The following DISC1 variants were observed in gnomAD, a reference collection of about 807,000 sequenced individuals.
DISC1 encodes disrupted in schizophrenia 1 protein.
A neutral mutation model predicts 84.5 loss-of-function variants in DISC1; 57 were observed. The observed-to-expected ratio is 0.67, with a 90% CI of 0.55 to 0.84. The LOEUF is 0.84. DISC1 is among the 40% of genes least tolerant of loss of function. The pLI is 0.00. For synonymous variants in DISC1, 411 were observed against 415.2 expected (o/e 0.99, Z 0.12); for missense variants, 1,000 against 1,057.8 (o/e 0.95, Z 0.76).
intron 1 of DISC1, among the ~76,000 whole-genome samples, chr1:231,653,579 G>A (rs2060816503): frequency 6.6e-6 from 1 of 152,212 alleles, no homozygotes; most frequent in South Asian, 2.1e-4. Context: ...TCATCTGTGT[G>A]TGTGGGAGGA....
chr1:231,843,891 C>T (rs1270274638), intron 9 of DISC1, among the ~76,000 whole-genome samples: 2 of 152,302 alleles, frequency 1.3e-5, no homozygotes, highest in East Asian at 3.9e-4. Flanking sequence ...GGAGAGCTGA[C>T]TGACGGCAGG....
intron 1 of DISC1, among the ~76,000 whole-genome samples, chr1:231,667,688 C>T (rs947160676): frequency 1.4e-4 from 21 of 152,108 alleles, no homozygotes; most frequent in African/African-American, 4.3e-4. Flanking sequence ...GTCTGTCCTG[C>T]GTGATGCTTC....
At chr1:231,951,220 G>A (rs1201618715) in intron 9 of DISC1, among the ~76,000 whole-genome samples, 1 of 152,224 alleles carries the variant, frequency 6.6e-6, no homozygotes, top group Non-Finnish European at 1.5e-5. Flanking sequence ...GGAAGAATGA[G>A]TTAATCTTAC....
At chr1:231,863,220 C>CTTTTTTTTTTTTTTTTTTTTTTTT (rs533463099) in intron 9 of DISC1, among the ~76,000 whole-genome samples, 1 of 54,758 alleles carries the variant, frequency 1.8e-5, no homozygotes, top group African/African-American at 7.6e-5. Flanking sequence ...ATAAAATGTT[C>CTTTTTTTTTTTTTTTTTTTTTTTT]TTTTTTTTTT....
At chr1:231,996,139 CT>C (rs1665920546) in intron 10 of DISC1, among the ~76,000 whole-genome samples, 1 of 152,160 alleles carries the variant, frequency 6.6e-6, no homozygotes, top group South Asian at 2.1e-4. Flanking sequence ...TAAATGTCTT[CT>C]TTTGAGAAGT....
intron 10 of DISC1, among the ~76,000 whole-genome samples, chr1:231,989,749 A>T (rs1664940318): frequency 1.3e-5 from 2 of 152,176 alleles, no homozygotes; most frequent in Admixed American, 1.3e-4. Context: ...TAGCACTTAG[A>T]CCCTGCTTGC....
chr1:231,985,225 C>T (rs1664235602), intron 10 of DISC1, among the ~76,000 whole-genome samples: 1 of 150,594 alleles, frequency 6.6e-6, no homozygotes, highest in South Asian at 2.1e-4. Context: ...ACTTGGGAGG[C>T]TGAGGTAGGA....
At chr1:231,860,813 CT>C (rs2084588315) in intron 9 of DISC1, among the ~76,000 whole-genome samples, 1 of 152,162 alleles carries the variant, frequency 6.6e-6, no homozygotes, top group South Asian at 2.1e-4. Flanking sequence ...CCCTTTATCT[CT>C]CACTGATTCA....
intron 9 of DISC1, among the ~76,000 whole-genome samples, chr1:231,843,114 G>A (rs931295390): frequency 6.6e-6 from 1 of 152,238 alleles, no homozygotes; most frequent in East Asian, 1.9e-4. Context: ...TGATGGGGGG[G>A]TATGAAAAGC....
At chr1:231,892,758 A>T (rs1031923179) in intron 9 of DISC1, among the ~76,000 whole-genome samples, 5 of 152,172 alleles carry the variant, frequency 3.3e-5, no homozygotes, top group African/African-American at 1.2e-4. Flanking sequence ...ATAATATTTG[A>T]TTTGAGCCTT....
intron 6 of DISC1, chr1:231,774,761 G>A: frequency 2.2e-6 from 1 of 456,050 alleles, no homozygotes. Flanking sequence ...CTGCAGCATG[G>A]ATCTGCAGAA....
At chr1:231,774,600 G>A in intron 6 of DISC1, 1 of 434,952 alleles carries the variant, frequency 2.3e-6, no homozygotes, top group Non-Finnish European at 4.6e-6. Flanking sequence ...CTGTGTAGGT[G>A]CACACTTTGA....
chr1:231,650,024 A>T (rs1012098441), intron 1 of DISC1, among the ~76,000 whole-genome samples: 3 of 152,110 alleles, frequency 2.0e-5, no homozygotes, highest in Non-Finnish European at 4.4e-5. Context: ...CCAATTTGCC[A>T]GTCTGTGTCT....
chr1:231,976,758 T>TA (rs1662869253), intron 10 of DISC1, among the ~76,000 whole-genome samples: 1 of 152,238 alleles, frequency 6.6e-6, no homozygotes, highest in African/African-American at 2.4e-5. Flanking sequence ...ATTTAATACT[T>TA]ATGGCACAAA....
intron 9 of DISC1, among the ~76,000 whole-genome samples, chr1:231,874,649 C>T (rs1003745090): frequency 2.6e-5 from 4 of 151,740 alleles, no homozygotes; most frequent in African/African-American, 4.8e-5. Context: ...TGGTGGCTCA[C>T]GCCTGTAATC....
At chr1:231,649,733 G>C (rs941813945) in intron 1 of DISC1, among the ~76,000 whole-genome samples, 1 of 152,162 alleles carries the variant, frequency 6.6e-6, no homozygotes, top group Admixed American at 6.5e-5. Context: ...TTATGAATCT[G>C]GGTGCTCCTG....
intron 4 of DISC1, among the ~76,000 whole-genome samples, chr1:231,766,297 A>AAC (rs1324664020): frequency 1.3e-5 from 2 of 149,962 alleles, no homozygotes; most frequent in African/African-American, 2.5e-5. Flanking sequence ...CTAAAAAAAA[A>AAC]AAAAAAAAAA....
intron 3 of DISC1, among the ~76,000 whole-genome samples, chr1:231,734,104 C>A (rs111717425): frequency 4.6e-5 from 7 of 152,146 alleles, no homozygotes; most frequent in African/African-American, 1.7e-4. Context: ...CTTGCCTGGA[C>A]AGTTGTGAGT....
intron 7 of DISC1, among the ~76,000 whole-genome samples, chr1:231,796,623 G>T (rs2078786565): frequency 6.6e-6 from 1 of 152,156 alleles, no homozygotes; most frequent in African/African-American, 2.4e-5. Flanking sequence ...CAGAGCCGCA[G>T]GTTTGATGGG....
Sources: allele counts gnomAD v4.1 joint callset (sites outside exome capture counted in the v4.1 genomes callset), GRCh38; gene constraint gnomAD v4.1.1; transcripts MANE v1.5; gene names NCBI Gene and HGNC (gene_info 2026-07-23, HGNC 2026-07-21).